PDZRN3: variants seen among roughly 807,000 people sequenced by gnomAD.
The protein encoded by PDZRN3 is PDZ domain containing ring finger 3.
A neutral mutation model predicts 85.7 loss-of-function variants in PDZRN3; 38 were observed. The ratio of observed to expected loss-of-function variants is 0.44; its 90% CI spans 0.34 to 0.58. The LOEUF is 0.58. Among genes scored for constraint, PDZRN3 ranks in the 20% least tolerant of loss-of-function variants. PDZRN3 has a pLI of 0.01. For missense variants in PDZRN3, 1,629 were observed against 1,506.4 expected (o/e 1.08, Z -1.35); for synonymous variants, 759 against 638.0 (o/e 1.19, Z -2.86).
At chr3:73,483,846 G>A (rs1206595998) in intron 3 of PDZRN3, among the ~76,000 whole-genome samples, 2 of 152,296 alleles carry the variant, frequency 1.3e-5, no homozygotes, top group African/African-American at 2.4e-5. Context: ...TGGTGTGTGT[G>A]AAAAAGGCTG....
intron 5 of PDZRN3, among the ~76,000 whole-genome samples, chr3:73,392,905 C>G (rs1216442474): frequency 6.6e-6 from 1 of 152,026 alleles, no homozygotes; most frequent in Admixed American, 6.5e-5. Context: ...AATTTGCATA[C>G]CACAAATATA....
At chr3:73,432,357 G>C (rs2106802464) in intron 3 of PDZRN3, among the ~76,000 whole-genome samples, 1 of 152,340 alleles carries the variant, frequency 6.6e-6, no homozygotes, top group African/African-American at 2.4e-5. Context: ...GTCCAGTGAA[G>C]TCCTGAGTGT....
chr3:73,561,246 GCT>G (rs1211257008), intron 3 of PDZRN3, among the ~76,000 whole-genome samples: 1 of 152,210 alleles, frequency 6.6e-6, no homozygotes, highest in Non-Finnish European at 1.5e-5. Flanking sequence ...TGGTGGAGCT[GCT>G]TTAAAGAGAG....
rs1426667239 is a variant in PDZRN3, at chr3:73,382,770, C to G, written c.*595G>C. 1 of 152,708 alleles carries G rather than the reference C, an allele frequency of 6.5e-6. No homozygotes were observed. Among genetic ancestry groups the G allele is most frequent in the Non-Finnish European group, 1.5e-5 (1 of 68,110 alleles). The allele number at this position is 152,708 out of a possible 1,614,324, so 9.5% of individuals were successfully genotyped here. A position where few individuals can be genotyped will look rare whatever the true frequency, so the allele number is the denominator to read the frequency against. ...TAAAACCTTTACACTCTCTTGGGAA[C>G]CTTAACCAGGAAAATGTTTAAATGT... On this transcript the variant is annotated 3_prime_UTR_variant, in exon 10 of 10. Transcript: ENST00000263666.
rs559564667 is a variant in PDZRN3, at chr3:73,417,394, C to G, written c.919-12999G>C. ...GAGGAGCAGTGGTCCGTATTTTATT[C>G]TACTGAGTTATGACAATTGAACTAT... On this transcript the variant is annotated intron_variant, in intron 3 of 9. Coordinates refer to ENST00000263666, the MANE Select transcript of PDZRN3 (RefSeq NM_015009.3). 2.6e-5 allele frequency among the ~76,000 whole-genome samples: 4 copies of G among 152,316 alleles called. No homozygotes were observed. The South Asian group carries it at 8.3e-4, about 32-fold the overall frequency.
chr3:73,450,041 C>T (rs1702827884), intron 3 of PDZRN3, among the ~76,000 whole-genome samples: 1 of 152,192 alleles, frequency 6.6e-6, no homozygotes, highest in Non-Finnish European at 1.5e-5. Flanking sequence ...TGGACTGTGC[C>T]TTTTCCTTTA....
At chr3:73,492,187 C>T (rs1039322890) in intron 3 of PDZRN3, among the ~76,000 whole-genome samples, 1 of 152,178 alleles carries the variant, frequency 6.6e-6, no homozygotes, top group Non-Finnish European at 1.5e-5. Context: ...TCTGAAATTT[C>T]TAAATTGGTT....
intron 3 of PDZRN3, among the ~76,000 whole-genome samples, chr3:73,426,959 A>G (rs1702328609): frequency 6.6e-6 from 1 of 152,224 alleles, no homozygotes; most frequent in South Asian, 2.1e-4. Context: ...AGCATGCAGC[A>G]CAACTGAACA....
At chr3:73,614,290 T>G (rs1296509345) in intron 1 of PDZRN3, among the ~76,000 whole-genome samples, 2 of 152,186 alleles carry the variant, frequency 1.3e-5, no homozygotes, top group African/African-American at 4.8e-5. Context: ...GTGAACCATC[T>G]ATTGGCAAAG....
intron 3 of PDZRN3, among the ~76,000 whole-genome samples, chr3:73,576,778 C>T (rs1188554709): frequency 1.3e-5 from 2 of 152,126 alleles, no homozygotes; most frequent in African/African-American, 4.8e-5. Context: ...ACAGAACTGT[C>T]ATCTTGTTGG....
At chr3:73,452,252 C>T (rs1166313798) in intron 3 of PDZRN3, among the ~76,000 whole-genome samples, 3 of 152,048 alleles carry the variant, frequency 2.0e-5, no homozygotes, top group Non-Finnish European at 4.4e-5. Context: ...AAGGCACTGT[C>T]AAGGTGGTAG....
In PDZRN3 at chr3:73,515,702, A is replaced by T. The variant is rs186329943; in HGVS notation, c.918+86652T>A. Among the ~76,000 whole-genome samples the T allele has an allele frequency of 5.0e-3, 755 of 152,336 alleles. 11 individuals carry two copies. Among genetic ancestry groups the T allele is most frequent in the South Asian group, 0.032 (154 of 4,828 alleles). On this transcript the variant is annotated intron_variant, in intron 3 of 9. Transcript: ENST00000263666. Reference sequence around the variant, plus strand: ...GCTCCATTTTTTCCTTTCCAAAAGCATAGCTCTGGACAATTATATTGCAGA... The same window carrying T: ...GCTCCATTTTTTCCTTTCCAAAAGCTTAGCTCTGGACAATTATATTGCAGA...
rs61739231 is a variant in PDZRN3 at position 73,384,155 on chromosome 3, G to C, written c.2411C>G (p.Ala804Gly). The change falls in exon 10 of 10, where the codon GCC becomes GGC. Residue 804 changes from alanine to glycine, a missense_variant. Coordinates refer to ENST00000263666, the MANE Select transcript of PDZRN3 (RefSeq NM_015009.3). The part of the protein sequence containing the change: ...AVGTTEAYGP[A>G]SKNLLSITED... ...CGTGATGGAGAGCAGATTCTTGGAGGCTGGCCCGTAGGCTTCCGTGGTCCC... is the reference window on the plus strand; with the variant it reads ...CGTGATGGAGAGCAGATTCTTGGAGCCTGGCCCGTAGGCTTCCGTGGTCCC... 4 of 1,614,096 alleles carry C rather than the reference G, an allele frequency of 2.5e-6. No individual in the cohort carries two copies. In the South Asian group the frequency reaches 4.4e-5, roughly 18 times the overall value.
chr3:73,406,138 A>T (rs1449614378), intron 3 of PDZRN3, among the ~76,000 whole-genome samples: 1 of 152,262 alleles, frequency 6.6e-6, no homozygotes, highest in African/African-American at 2.4e-5. Context: ...GTGCACCAGT[A>T]AATAAGGAAC....
At chr3:73,494,459 A>C (rs1457135256) in intron 3 of PDZRN3, among the ~76,000 whole-genome samples, 1 of 152,260 alleles carries the variant, frequency 6.6e-6, no homozygotes, top group Non-Finnish European at 1.5e-5. Flanking sequence ...AAGTTGTGTG[A>C]ATAAAATCTA....
chr3:73,472,203 T>C (rs1354119831), intron 3 of PDZRN3, among the ~76,000 whole-genome samples: 1 of 152,238 alleles, frequency 6.6e-6, no homozygotes, highest in Non-Finnish European at 1.5e-5. Flanking sequence ...TTGTTAGAGC[T>C]GCCAGGCTGG....
chr3:73,493,877 A>G (rs557360869), intron 3 of PDZRN3, among the ~76,000 whole-genome samples: 6 of 152,344 alleles, frequency 3.9e-5, no homozygotes, highest in South Asian at 4.1e-4. Flanking sequence ...GACAGGATCA[A>G]TCTTGGCGGT....
At chr3:73,518,976 T>A (rs4510330) in intron 3 of PDZRN3, among the ~76,000 whole-genome samples, 36,518 of 152,112 alleles carry the variant, frequency 0.24, 4,929 homozygotes, top group Middle Eastern at 0.33. Context: ...TTAAGATGAA[T>A]CAGGTCTAAT....
At chr3:73,548,877 A>T (rs1701489608) in intron 3 of PDZRN3, among the ~76,000 whole-genome samples, 2 of 152,234 alleles carry the variant, frequency 1.3e-5, no homozygotes, top group African/African-American at 4.8e-5. Flanking sequence ...GAAAACAGAC[A>T]AGTGTTACAA....
Sources: gnomAD v4.1 joint callset for allele counts (sites outside exome capture counted in the v4.1 genomes callset) on GRCh38, gnomAD v4.1.1 for gene constraint, MANE v1.5 for transcripts, NCBI Gene and HGNC (gene_info 2026-07-23, HGNC 2026-07-21) for gene names.